The following RFX3 variants were observed in gnomAD, a reference collection of about 807,000 sequenced individuals.
RFX3 encodes the protein regulatory factor X3.
A neutral mutation model predicts 98.6 loss-of-function variants in RFX3; 14 were observed. The observed-to-expected ratio is 0.14, with a 90% CI of 0.09 to 0.22. The LOEUF (loss-of-function observed/expected upper bound fraction) is 0.22. Among genes scored for constraint, RFX3 ranks in the 10% least tolerant of loss-of-function variants. The pLI, the probability that RFX3 is intolerant of heterozygous loss-of-function variation, is 1.00. For synonymous variants in RFX3, 383 were observed against 328.4 expected (o/e 1.17, Z -1.80); for missense variants, 639 against 926.9 (o/e 0.69, Z 4.03).
At chr9:3,401,343 C>A (rs1159608185) in intron 1 of RFX3, among the ~76,000 whole-genome samples, 2 of 152,182 alleles carry the variant, frequency 1.3e-5, no homozygotes, top group East Asian at 1.9e-4. Context: ...AACATTTCTG[C>A]AAAGTAAGGA....
intron 4 of RFX3, among the ~76,000 whole-genome samples, chr9:3,320,748 A>G (rs1334534698): frequency 8.6e-6 from 1 of 116,154 alleles, no homozygotes; most frequent in African/African-American, 5.5e-5. Context: ...CTATATATAC[A>G]TATAATGCAT....
chr9:3,510,798 C>A lies in RFX3; in HGVS notation c.-9+14949G>T, dbSNP rs546496214. Among the ~76,000 whole-genome samples, 7 of 152,038 alleles carry A rather than the reference C, an allele frequency of 4.6e-5. No individual in the cohort carries two copies. In the East Asian group the frequency reaches 7.7e-4, roughly 17 times the overall value. ...TACGTTTTATTCACATATTGTTTGG[C>A]TCATTAAACTTTATACTGGTGTTTT... On this transcript the variant is annotated intron_variant, in intron 1 of 16. Transcript: ENST00000617270.
chr9:3,394,933 T>A (rs1840702957), intron 2 of RFX3: 1 of 590,300 alleles, frequency 1.7e-6, no homozygotes, highest in Admixed American at 6.3e-5. Flanking sequence ...ACTCCCAACT[T>A]TTTAAATAGC....
chr9:3,357,481 A>C (rs182245886), intron 2 of RFX3, among the ~76,000 whole-genome samples: 1 of 152,158 alleles, frequency 6.6e-6, no homozygotes, highest in Admixed American at 6.6e-5. Context: ...TTTGAATTTA[A>C]AGATAATAAA....
chr9:3,297,738 C>G (rs958349925), intron 5 of RFX3, among the ~76,000 whole-genome samples: 1 of 151,746 alleles, frequency 6.6e-6, no homozygotes. Flanking sequence ...GTAGCTAAAA[C>G]CAGCAAACAA....
rs115874386 is a variant in RFX3, at chr9:3,417,605, A to T, written c.-8-22009T>A. Among the ~76,000 whole-genome samples, 479 of 152,306 alleles carry T rather than the reference A, an allele frequency of 3.1e-3. 2 individuals carry two copies. The highest frequency in any genetic ancestry group is 0.011 in the African/African-American group (461 of 41,592). The stretch of plus-strand genomic sequence containing the variant: ...AAGAATTAAAACAGAAGTATTTTGA[A>T]CTGAAGAAAATGAACACATACTATC... On this transcript the variant is annotated intron_variant, in intron 1 of 16. Transcript: ENST00000617270.
At chr9:3,505,877 T>C (rs1167041664) in intron 1 of RFX3, among the ~76,000 whole-genome samples, 2 of 151,384 alleles carry the variant, frequency 1.3e-5, no homozygotes, top group Non-Finnish European at 3.0e-5. Flanking sequence ...TCACCCCCAA[T>C]TGTTTGAATG....
chr9:3,290,929 T>G (rs1827251116), intron 6 of RFX3, among the ~76,000 whole-genome samples: 1 of 152,162 alleles, frequency 6.6e-6, no homozygotes, highest in African/African-American at 2.4e-5. Flanking sequence ...CTCCTTCTCC[T>G]CTGAAGCAGG....
chr9:3,240,965 A>C (rs1021807857), intron 15 of RFX3, among the ~76,000 whole-genome samples: 2 of 152,212 alleles, frequency 1.3e-5, no homozygotes, highest in African/African-American at 4.8e-5. Flanking sequence ...TTACTAAACA[A>C]ATAACTTAGC....
chr9:3,503,211 A>G (rs1256065369), intron 1 of RFX3, among the ~76,000 whole-genome samples: 4 of 152,178 alleles, frequency 2.6e-5, no homozygotes, highest in Non-Finnish European at 5.9e-5. Flanking sequence ...CTTCAGACAT[A>G]AATGCCTGGG....
At chr9:3,302,004 G>C (rs1427421689) in intron 4 of RFX3, among the ~76,000 whole-genome samples, 1 of 151,768 alleles carries the variant, frequency 6.6e-6, no homozygotes, top group African/African-American at 2.4e-5. Flanking sequence ...TTTAATATTA[G>C]TGCTATTCTC....
At chr9:3,343,309 T>C (rs1440886908) in intron 3 of RFX3, among the ~76,000 whole-genome samples, 2 of 152,162 alleles carry the variant, frequency 1.3e-5, no homozygotes, top group Non-Finnish European at 2.9e-5. Flanking sequence ...AGAGTCCCTA[T>C]CTTCTGGAAG....
At chr9:3,514,697 T>A (rs2133865584) in intron 1 of RFX3, among the ~76,000 whole-genome samples, 1 of 152,292 alleles carries the variant, frequency 6.6e-6, no homozygotes, top group Admixed American at 6.5e-5. Flanking sequence ...GATTCTCCCA[T>A]CTCAGCCTCC....
chr9:3,289,677 G>A (rs184736030), intron 6 of RFX3, among the ~76,000 whole-genome samples: 19 of 152,180 alleles, frequency 1.2e-4, no homozygotes, highest in Admixed American at 1.2e-3. Flanking sequence ...AATTGGGTTG[G>A]GAGGGAGAGG....
In RFX3 at chr9:3,525,787, A is replaced by G; in HGVS notation, c.-49T>C. 1.9e-6 allele frequency: 1 copy of G among 519,114 alleles called. No individual in the cohort carries two copies. The highest frequency in any genetic ancestry group is 2.5e-6 in the Non-Finnish European group (1 of 405,790). The allele number at this position is 519,114 out of a possible 1,614,324, so 32.2% of individuals were successfully genotyped here. Reference sequence around the variant, plus strand: ...TTGTGGTGTTGTTGGTGGGTGATGGAGATGGTGGTGGTGGGGAGGAGGAGG... The same window carrying G: ...TTGTGGTGTTGTTGGTGGGTGATGGGGATGGTGGTGGTGGGGAGGAGGAGG... On this transcript the variant is annotated 5_prime_UTR_variant, in exon 1 of 17. Coordinates refer to ENST00000617270, the MANE Select transcript of RFX3 (RefSeq NM_001282116.2).
chr9:3,328,686 G>C (rs1224460574), intron 4 of RFX3, among the ~76,000 whole-genome samples: 6 of 151,968 alleles, frequency 3.9e-5, no homozygotes, highest in African/African-American at 1.2e-4. Context: ...AAATAAATTA[G>C]GGAAAAGGCA....
chr9:3,391,679 GGTGTGTAT>G (rs947867658), intron 2 of RFX3, among the ~76,000 whole-genome samples: 6 of 151,930 alleles, frequency 3.9e-5, no homozygotes, highest in African/African-American at 1.5e-4. Flanking sequence ...GGGTGGTGAG[GGTGTGTAT>G]GTATAATCTT....
At chr9:3,455,879 T>A (rs1564123343) in intron 1 of RFX3, among the ~76,000 whole-genome samples, 2 of 152,208 alleles carry the variant, frequency 1.3e-5, no homozygotes, top group South Asian at 2.1e-4. Flanking sequence ...TCGCTTCTAT[T>A]AAAACAGTCT....
intron 3 of RFX3, among the ~76,000 whole-genome samples, chr9:3,343,235 C>A (rs1196916790): frequency 1.3e-5 from 2 of 152,246 alleles, no homozygotes; most frequent in African/African-American, 4.8e-5. Context: ...CATTAGCGAG[C>A]TTACTAAGCA....
Sources: allele counts gnomAD v4.1 joint callset (sites outside exome capture counted in the v4.1 genomes callset), GRCh38; gene constraint gnomAD v4.1.1; transcripts MANE v1.5; gene names NCBI Gene and HGNC (gene_info 2026-07-23, HGNC 2026-07-21).